Variants in NELL1 observed in about 807,000 individuals in gnomAD.
The protein encoded by NELL1 is neural EGFL like 1.
A neutral mutation model predicts 107.4 loss-of-function variants in NELL1; 76 were observed. The ratio of observed to expected loss-of-function variants is 0.71; its 90% CI spans 0.59 to 0.86. The LOEUF is 0.86. Ranked by LOEUF, NELL1 falls within the 40% of genes least tolerant of loss-of-function variation. The pLI is 0.00. For synonymous variants in NELL1, 353 were observed against 341.2 expected (o/e 1.03, Z -0.38); for missense variants, 1,024 against 1,005.5 (o/e 1.02, Z -0.25).
At chr11:21,192,450 T>C (rs1181714325) in intron 13 of NELL1, among the ~76,000 whole-genome samples, 1 of 151,944 alleles carries the variant, frequency 6.6e-6, no homozygotes, top group Non-Finnish European at 1.5e-5. Flanking sequence ...TTTATTTGTC[T>C]CACTGTTTGA....
At chr11:21,118,136 G>T (rs1855281189) in intron 13 of NELL1, among the ~76,000 whole-genome samples, 1 of 152,038 alleles carries the variant, frequency 6.6e-6, no homozygotes, top group Non-Finnish European at 1.5e-5. Flanking sequence ...ATTGTATTAA[G>T]TGCTATGATA....
rs183276089 is a variant in NELL1 at position 20,914,946 on chromosome 11, C to A, written c.604-3236C>A. Among the ~76,000 whole-genome samples the A allele has an allele frequency of 3.5e-3, 531 of 152,092 alleles. 3 individuals carry two copies. Among genetic ancestry groups the A allele is most frequent in the Non-Finnish European group, 5.6e-3 (383 of 67,940 alleles). On this transcript the variant is annotated intron_variant, in intron 5 of 19. Transcript: ENST00000357134. Reference sequence around the variant, plus strand: ...TCTGATATATACCCTAAATTAAAAACTATTGCCCCACATGATCTTCACAGA... The same window carrying A: ...TCTGATATATACCCTAAATTAAAAAATATTGCCCCACATGATCTTCACAGA...
At chr11:20,678,977 A>C (rs554966664) in intron 2 of NELL1, among the ~76,000 whole-genome samples, 2 of 152,204 alleles carry the variant, frequency 1.3e-5, no homozygotes, top group Non-Finnish European at 2.9e-5. Context: ...CAGCATTCTG[A>C]ATAGAGGAAA....
At chr11:21,233,540 C>A (rs1858120210) in intron 14 of NELL1, among the ~76,000 whole-genome samples, 1 of 152,104 alleles carries the variant, frequency 6.6e-6, no homozygotes, top group Non-Finnish European at 1.5e-5. Context: ...ACAATGATAA[C>A]CTAGAATTTT....
At chr11:21,513,346 C>T (rs1855484404) in intron 15 of NELL1, among the ~76,000 whole-genome samples, 1 of 152,054 alleles carries the variant, frequency 6.6e-6, no homozygotes, top group Non-Finnish European at 1.5e-5. Context: ...TGGATTTGCT[C>T]TTTTGCAAAG....
At chr11:20,698,605 A>G (rs2176743) in intron 2 of NELL1, among the ~76,000 whole-genome samples, 66,805 of 152,090 alleles carry the variant, frequency 0.44, 16,304 homozygotes, top group Middle Eastern at 0.61. Flanking sequence ...GGATTAATTT[A>G]GATAACTTAA....
At chr11:20,965,761 T>TAG (rs1851375551) in intron 12 of NELL1, among the ~76,000 whole-genome samples, 1 of 152,124 alleles carries the variant, frequency 6.6e-6, no homozygotes, top group East Asian at 1.9e-4. Flanking sequence ...GTCTGACCCT[T>TAG]AGAATGGTAA....
rs202158419 is a variant in NELL1 at position 21,070,137 on chromosome 11, T to TC, written c.1301-43452_1301-43451insC. ...AGTCACTCCAAGGCTGTTTTTTTTT[T>TC]TGAAGTAGCCTAATGCCAAACATAT... On this transcript the variant is annotated intron_variant, in intron 12 of 19. Coordinates refer to ENST00000357134, the MANE Select transcript of NELL1 (RefSeq NM_006157.5). Among the ~76,000 whole-genome samples the TC allele has an allele frequency of 6.0e-3, 914 of 152,196 alleles. 7 individuals are homozygous for TC. The highest frequency in any genetic ancestry group is 0.021 in the African/African-American group (875 of 41,542).
chr11:21,402,552 A>G (rs547064364), intron 15 of NELL1, among the ~76,000 whole-genome samples: 1 of 151,900 alleles, frequency 6.6e-6, no homozygotes, highest in African/African-American at 2.4e-5. Flanking sequence ...ATTGCCAAGT[A>G]TGATCATAAG....
intron 15 of NELL1, among the ~76,000 whole-genome samples, chr11:21,517,757 C>A (rs1855604886): frequency 6.6e-6 from 1 of 152,084 alleles, no homozygotes; most frequent in Non-Finnish European, 1.5e-5. Flanking sequence ...TCCTTTAAGT[C>A]ATTTCTGATT....
At chr11:21,174,341 A>G (rs1159392615) in intron 13 of NELL1, among the ~76,000 whole-genome samples, 2 of 151,860 alleles carry the variant, frequency 1.3e-5, no homozygotes, top group African/African-American at 2.4e-5. Context: ...ACAAAAAACT[A>G]TGTCTTCTAA....
intron 14 of NELL1, among the ~76,000 whole-genome samples, chr11:21,294,829 G>A (rs533898162): frequency 1.3e-5 from 2 of 152,110 alleles, no homozygotes; most frequent in East Asian, 3.9e-4. Context: ...CTAGGTTTCA[G>A]CGACAGATCA....
At chr11:21,540,869 A>G (rs1162411334) in intron 16 of NELL1, among the ~76,000 whole-genome samples, 3 of 152,088 alleles carry the variant, frequency 2.0e-5, no homozygotes, top group African/African-American at 7.2e-5. Flanking sequence ...AAGTCATTTA[A>G]AAAAAGACTA....
chr11:21,187,404 A>T (rs1007802718), intron 13 of NELL1, among the ~76,000 whole-genome samples: 3 of 151,832 alleles, frequency 2.0e-5, no homozygotes, highest in Non-Finnish European at 4.4e-5. Context: ...TGCTAAGAAG[A>T]TGAGATTTGA....
intron 14 of NELL1, among the ~76,000 whole-genome samples, chr11:21,339,756 T>A (rs549472674): frequency 2.0e-5 from 3 of 152,260 alleles, no homozygotes; most frequent in Admixed American, 6.5e-5. Context: ...TCTACCACCT[T>A]TCTGGGCTCA....
intron 13 of NELL1, among the ~76,000 whole-genome samples, chr11:21,121,344 C>T (rs528618212): frequency 1.3e-5 from 2 of 152,242 alleles, no homozygotes; most frequent in African/African-American, 4.8e-5. Flanking sequence ...GGTCCTGCTT[C>T]CAAAGCTGCA....
At chr11:21,141,934 T>G (rs115581162) in intron 13 of NELL1, among the ~76,000 whole-genome samples, 1,989 of 152,128 alleles carry the variant, frequency 0.013, 41 homozygotes, top group African/African-American at 0.045. Context: ...CAGCTAATTT[T>G]GGTATTTTTA....
At chr11:21,032,052 T>TAATA (rs926178000) in intron 12 of NELL1, among the ~76,000 whole-genome samples, 1 of 130,976 alleles carries the variant, frequency 7.6e-6, no homozygotes, top group African/African-American at 3.8e-5. Context: ...GTCAAAATAA[T>TAATA]AATAATAATA....
At chr11:21,362,812 T>A (rs1851110199) in intron 14 of NELL1, among the ~76,000 whole-genome samples, 1 of 152,036 alleles carries the variant, frequency 6.6e-6, no homozygotes, top group Non-Finnish European at 1.5e-5. Context: ...GGGGGAGGCT[T>A]ACGCAAGTCT....
Sources: gnomAD v4.1 joint callset for allele counts (sites outside exome capture counted in the v4.1 genomes callset) on GRCh38, gnomAD v4.1.1 for gene constraint, MANE v1.5 for transcripts, NCBI Gene and HGNC (gene_info 2026-07-23, HGNC 2026-07-21) for gene names.